AGBL1: variants seen among roughly 807,000 people sequenced by gnomAD.
AGBL1 encodes AGBL carboxypeptidase 1, also known as cytosolic carboxypeptidase 4.
AGBL1 carries 130 observed loss-of-function variants against 118.9 expected under a neutral mutation model. That is an observed-to-expected ratio of 1.09 (90% CI 0.95 to 1.26). AGBL1 has a LOEUF of 1.26. Among genes scored for constraint, AGBL1 ranks in the 50% most tolerant of loss-of-function variants. The probability of loss-of-function intolerance (pLI) is 0.00; values close to 1 mark genes in which losing one functional copy is unlikely to be tolerated. For missense variants in AGBL1, 1,584 were observed against 1,298.1 expected (o/e 1.22, Z -3.38); for synonymous variants, 555 against 478.9 (o/e 1.16, Z -2.08).
chr15:86,293,274 T>A (rs1567182180), intron 16 of AGBL1, among the ~76,000 whole-genome samples: 1 of 152,186 alleles, frequency 6.6e-6, no homozygotes, highest in African/African-American at 2.4e-5. Context: ...TACAGCTTTT[T>A]AGGTTAGAAG....
intron 18 of AGBL1, among the ~76,000 whole-genome samples, chr15:86,426,009 C>A (rs2081862414): frequency 6.6e-6 from 1 of 152,012 alleles, no homozygotes; most frequent in African/African-American, 2.4e-5. Context: ...AAAATGCCAA[C>A]CCCATGGGAG....
chr15:86,819,877 C>T (rs150832236), intron 22 of AGBL1, among the ~76,000 whole-genome samples: 21 of 151,722 alleles, frequency 1.4e-4, no homozygotes, highest in Non-Finnish European at 1.5e-4. Context: ...CATCACGCTA[C>T]CTGACTTCAA....
At chr15:86,553,607 C>T (rs2083692049) in intron 20 of AGBL1, among the ~76,000 whole-genome samples, 1 of 152,138 alleles carries the variant, frequency 6.6e-6, no homozygotes, top group African/African-American at 2.4e-5. Context: ...CCCCTTTGGC[C>T]TTGTGAAATA....
chr15:87,015,403 A>G lies in AGBL1; in HGVS notation c.3324-13422A>G, dbSNP rs552476317. On this transcript the variant is annotated intron_variant, in intron 24 of 24. Coordinates refer to the AGBL1 transcript ENST00000441037. The stretch of plus-strand genomic sequence containing the variant: ...ATCTAGTCTGTCTATCTATCTACCT[A>G]TTTTTCTATCTGTCCTATTGGCTCC... 7.9e-5 allele frequency among the ~76,000 whole-genome samples: 12 copies of G among 151,554 alleles called. No individual in the cohort carries two copies. In the South Asian group the frequency reaches 1.2e-3, roughly 16 times the overall value.
chr15:87,001,333 A>C lies in AGBL1; in HGVS notation c.3323+13245A>C, dbSNP rs139931968. On this transcript the variant is annotated intron_variant, in intron 24 of 24. Coordinates refer to the AGBL1 transcript ENST00000441037. ...GAACTCATCATTTTTATGGCTGCAA[A>C]GTATTGCATGGTGTATATGTGCCAT... Among the ~76,000 whole-genome samples the C allele has an allele frequency of 1.0e-2, 1,517 of 152,134 alleles. 89 individuals carry two copies. In the East Asian group the frequency reaches 0.15, roughly 15 times the overall value.
At chr15:86,467,187 A>G (rs1239528894) in intron 18 of AGBL1, among the ~76,000 whole-genome samples, 1 of 152,078 alleles carries the variant, frequency 6.6e-6, no homozygotes, top group Non-Finnish European at 1.5e-5. Flanking sequence ...GGAGGAATCT[A>G]GAGATGCAGT....
At position 86,780,250 on chromosome 15, in the gene AGBL1, C is replaced by T. The variant is rs181186445; in HGVS notation, c.3158+105814C>T. 2.2e-4 allele frequency among the ~76,000 whole-genome samples: 33 copies of T among 152,284 alleles called. 1 individual carries two copies. The Middle Eastern group carries it at 0.024, about 110-fold the overall frequency. ...AAAAGGCCACCTTTGCCTTCACTGC[C>T]GTGTCAGTTTTGTCATAAATCAGAT... On this transcript the variant is annotated intron_variant, in intron 22 of 22. Transcript: ENST00000614907.
chr15:86,435,045 G>A (rs894641502), intron 18 of AGBL1, among the ~76,000 whole-genome samples: 70 of 152,080 alleles, frequency 4.6e-4, no homozygotes, highest in African/African-American at 7.2e-5. Context: ...TAAATCCATC[G>A]AACTGAAATA....
chr15:86,286,875 C>T (rs1188161868), intron 16 of AGBL1, among the ~76,000 whole-genome samples: 1 of 151,414 alleles, frequency 6.6e-6, no homozygotes, highest in Non-Finnish European at 1.5e-5. Context: ...TGGATATATA[C>T]CCAGAAGTGA....
intron 22 of AGBL1, among the ~76,000 whole-genome samples, chr15:86,764,954 G>C (rs2078074185): frequency 6.6e-6 from 1 of 151,986 alleles, no homozygotes; most frequent in Admixed American, 6.6e-5. Flanking sequence ...AGGATGCTTT[G>C]ATTCTCCAGG....
intron 22 of AGBL1, among the ~76,000 whole-genome samples, chr15:86,790,574 C>T (rs1213875838): frequency 6.6e-6 from 1 of 152,012 alleles, no homozygotes. Context: ...TAGATGATGA[C>T]CATTTGGTCT....
chr15:86,979,176 TA>T (rs1233261154), intron 23 of AGBL1, among the ~76,000 whole-genome samples: 1 of 152,204 alleles, frequency 6.6e-6, no homozygotes, highest in African/African-American at 2.4e-5. Flanking sequence ...ATTAAAATGC[TA>T]AAAATGTGTC....
At chr15:86,503,378 C>A (rs2082938773) in intron 18 of AGBL1, among the ~76,000 whole-genome samples, 1 of 151,188 alleles carries the variant, frequency 6.6e-6, no homozygotes. Flanking sequence ...TTTCAAAGAA[C>A]CAACTTTTAG....
At chr15:86,104,315 G>A (rs1437805094) in intron 1 of AGBL1, among the ~76,000 whole-genome samples, 1 of 152,162 alleles carries the variant, frequency 6.6e-6, no homozygotes, top group African/African-American at 2.4e-5. Flanking sequence ...GACAGCAGTG[G>A]CTGTGTCATG....
chr15:86,465,917 A>T (rs2082399440), intron 18 of AGBL1, among the ~76,000 whole-genome samples: 1 of 151,714 alleles, frequency 6.6e-6, no homozygotes, highest in South Asian at 2.1e-4. Context: ...TCTGTGACCC[A>T]CTCCCTATTT....
At chr15:86,273,170 T>C (rs2079189096) in intron 15 of AGBL1, among the ~76,000 whole-genome samples, 1 of 152,148 alleles carries the variant, frequency 6.6e-6, no homozygotes, top group Admixed American at 6.5e-5. Context: ...ATGCTCCTCT[T>C]GGAATTGGGG....
chr15:86,283,986 G>A (rs1323751171), intron 16 of AGBL1, among the ~76,000 whole-genome samples: 11 of 151,504 alleles, frequency 7.3e-5, no homozygotes, highest in Non-Finnish European at 1.3e-4. Context: ...TGTAAAATTG[G>A]AAACAAAAAA....
At chr15:86,560,949 T>A (rs572844958) in intron 21 of AGBL1, among the ~76,000 whole-genome samples, 1 of 152,286 alleles carries the variant, frequency 6.6e-6, no homozygotes, top group Non-Finnish European at 1.5e-5. Flanking sequence ...TTTTGAGAAG[T>A]GTCTGTTCAT....
At chr15:86,961,611 C>G (rs1456308966) in intron 23 of AGBL1, among the ~76,000 whole-genome samples, 1 of 152,058 alleles carries the variant, frequency 6.6e-6, no homozygotes, top group Non-Finnish European at 1.5e-5. Context: ...TTACTTAGAA[C>G]CCTTTCCCTG....
Sources: gnomAD v4.1 joint callset for allele counts (sites outside exome capture counted in the v4.1 genomes callset) on GRCh38, gnomAD v4.1.1 for gene constraint, MANE v1.5 for transcripts, NCBI Gene and HGNC (gene_info 2026-07-23, HGNC 2026-07-21) for gene names.